SGCZ: variants seen among roughly 807,000 people sequenced by gnomAD.
The protein encoded by SGCZ is sarcoglycan zeta, also known as zeta-sarcoglycan.
SGCZ carries 40 observed loss-of-function variants against 41.3 expected under a neutral mutation model. The ratio of observed to expected loss-of-function variants is 0.97; its 90% CI spans 0.75 to 1.26. The LOEUF is 1.26. SGCZ is among the 50% of genes most tolerant of loss of function. The pLI, the probability that SGCZ is intolerant of heterozygous loss-of-function variation, is 0.00. For synonymous variants in SGCZ, 206 were observed against 137.5 expected (o/e 1.50, Z -3.49); for missense variants, 552 against 369.8 (o/e 1.49, Z -4.04).
rs574018369 is a variant in SGCZ at position 14,925,613 on chromosome 8, A to G, written c.39+311972T>C. Among the ~76,000 whole-genome samples, 64 of 152,314 alleles carry G rather than the reference A, an allele frequency of 4.2e-4. 1 individual carries two copies. Among genetic ancestry groups the G allele is most frequent in the African/African-American group, 1.5e-3 (63 of 41,574 alleles). On this transcript the variant is annotated intron_variant, in intron 1 of 7. Transcript: ENST00000382080. Reference sequence around the variant, plus strand: ...AAAGACATTAAGTGTAATGGCAAAAACCACAATTCCTTTTGCACCAATCTA... The same window carrying G: ...AAAGACATTAAGTGTAATGGCAAAAGCCACAATTCCTTTTGCACCAATCTA...
At chr8:14,669,402 TAA>T (rs1379860060) in intron 1 of SGCZ, among the ~76,000 whole-genome samples, 130 of 151,236 alleles carry the variant, frequency 8.6e-4, no homozygotes, top group South Asian at 1.9e-3. Context: ...AATAAATAAA[TAA>T]ATAAATAGGG....
chr8:14,640,181 A>G (rs1806975714), intron 1 of SGCZ, among the ~76,000 whole-genome samples: 1 of 151,540 alleles, frequency 6.6e-6, no homozygotes, highest in African/African-American at 2.4e-5. Flanking sequence ...GAATAGTAAA[A>G]GCAATTAAAA....
chr8:15,236,825 G>C (rs1302198846), intron 1 of SGCZ, among the ~76,000 whole-genome samples: 1 of 152,006 alleles, frequency 6.6e-6, no homozygotes, highest in Non-Finnish European at 1.5e-5. Flanking sequence ...CCGCGGAGCG[G>C]CGGGGGGCTC....
intron 1 of SGCZ, among the ~76,000 whole-genome samples, chr8:15,015,234 C>T (rs1802981492): frequency 1.3e-5 from 2 of 150,608 alleles, no homozygotes; most frequent in Non-Finnish European, 2.9e-5. Flanking sequence ...CAGAGTGAGA[C>T]TCCATCTTAA....
rs73664472 is a variant in SGCZ, at chr8:14,760,907, G to A, written c.40-205981C>T. 7.3e-3 allele frequency among the ~76,000 whole-genome samples: 1,112 copies of A among 152,238 alleles called. 13 individuals carry two copies. Among genetic ancestry groups the A allele is most frequent in the African/African-American group, 0.026 (1,075 of 41,536 alleles). ...GTAGTCTGAATCATCTCAGTTAACT[G>A]GCAAAGGTCTCAGAAGCTCAAGGTA... On this transcript the variant is annotated intron_variant, in intron 1 of 7. Transcript: ENST00000382080.
chr8:14,707,396 A>G (rs1273436008), intron 1 of SGCZ, among the ~76,000 whole-genome samples: 3 of 152,270 alleles, frequency 2.0e-5, no homozygotes, highest in African/African-American at 7.2e-5. Flanking sequence ...AAACAGCTGT[A>G]GAACATGTGA....
chr8:14,965,121 G>A (rs1404311896), intron 1 of SGCZ, among the ~76,000 whole-genome samples: 2 of 152,052 alleles, frequency 1.3e-5, no homozygotes, highest in Non-Finnish European at 2.9e-5. Context: ...GGACAATCCC[G>A]ATACTCGAGA....
intron 2 of SGCZ, among the ~76,000 whole-genome samples, chr8:14,376,392 T>A (rs769788633): frequency 6.6e-6 from 1 of 152,006 alleles, no homozygotes; most frequent in East Asian, 1.9e-4. Flanking sequence ...ACATACAAAA[T>A]GACTTTATTT....
At chr8:14,724,354 T>C (rs1337153657) in intron 1 of SGCZ, among the ~76,000 whole-genome samples, 3 of 152,012 alleles carry the variant, frequency 2.0e-5, no homozygotes, top group Admixed American at 6.6e-5. Context: ...CCTATTTCTA[T>C]TGTGAAGTCT....
intron 2 of SGCZ, among the ~76,000 whole-genome samples, chr8:14,379,918 G>C (rs1013518490): frequency 1.3e-5 from 2 of 152,014 alleles, no homozygotes; most frequent in Admixed American, 6.6e-5. Context: ...TTTTACTAGA[G>C]ATGGGGCTTC....
chr8:15,174,471 C>G (rs889756641), intron 1 of SGCZ, among the ~76,000 whole-genome samples: 2 of 152,082 alleles, frequency 1.3e-5, no homozygotes, highest in African/African-American at 4.8e-5. Context: ...AGCAAAAAAA[C>G]TAAGCAGCTG....
intron 1 of SGCZ, among the ~76,000 whole-genome samples, chr8:15,107,021 G>A (rs927216371): frequency 7.2e-5 from 11 of 152,038 alleles, no homozygotes; most frequent in Non-Finnish European, 1.3e-4. Flanking sequence ...GATTACTACT[G>A]CTGATCTAAA....
At chr8:15,010,775 C>G (rs1443655448) in intron 1 of SGCZ, among the ~76,000 whole-genome samples, 1 of 152,126 alleles carries the variant, frequency 6.6e-6, no homozygotes, top group Non-Finnish European at 1.5e-5. Flanking sequence ...CAGAAGAACG[C>G]CAGATACCTT....
At chr8:14,472,589 A>G (rs1322138857) in intron 2 of SGCZ, among the ~76,000 whole-genome samples, 1 of 152,126 alleles carries the variant, frequency 6.6e-6, no homozygotes, top group East Asian at 1.9e-4. Context: ...AAAACTCAAT[A>G]TTGATGTTTA....
At chr8:14,603,021 A>T (rs1329806031) in intron 1 of SGCZ, among the ~76,000 whole-genome samples, 2 of 152,178 alleles carry the variant, frequency 1.3e-5, no homozygotes, top group African/African-American at 2.4e-5. Flanking sequence ...CTAGGAAAAC[A>T]TTCAGGCATG....
At chr8:14,778,097 T>A (rs1206606757) in intron 1 of SGCZ, among the ~76,000 whole-genome samples, 1 of 152,042 alleles carries the variant, frequency 6.6e-6, no homozygotes, top group Non-Finnish European at 1.5e-5. Flanking sequence ...CTAATAATTT[T>A]TTTTTGTTTT....
chr8:15,226,397 G>C (rs569930182), intron 1 of SGCZ, among the ~76,000 whole-genome samples: 2 of 152,272 alleles, frequency 1.3e-5, no homozygotes, highest in African/African-American at 4.8e-5. Flanking sequence ...ATTTCATCAA[G>C]ATAGAAAATC....
intron 1 of SGCZ, among the ~76,000 whole-genome samples, chr8:14,591,792 C>T (rs1390927449): frequency 6.6e-6 from 1 of 152,122 alleles, no homozygotes; most frequent in Non-Finnish European, 1.5e-5. Flanking sequence ...TTTTGACATT[C>T]ATGTCAACGA....
intron 5 of SGCZ, among the ~76,000 whole-genome samples, chr8:14,122,302 C>T (rs767433600): frequency 1.7e-4 from 26 of 151,998 alleles, no homozygotes; most frequent in African/African-American, 6.0e-4. Flanking sequence ...AAACAAAAGA[C>T]TTTAAGGAGC....
Sources: gnomAD v4.1 joint callset for allele counts (sites outside exome capture counted in the v4.1 genomes callset) on GRCh38, gnomAD v4.1.1 for gene constraint, MANE v1.5 for transcripts, NCBI Gene and HGNC (gene_info 2026-07-23, HGNC 2026-07-21) for gene names.